The following ATP4B variants were observed in gnomAD, a reference collection of about 807,000 sequenced individuals.
ATP4B encodes potassium-transporting ATPase subunit beta.
A neutral mutation model predicts 35.3 loss-of-function variants in ATP4B; 27 were observed. The ratio of observed to expected loss-of-function variants is 0.76; its 90% CI spans 0.56 to 1.05. ATP4B has a LOEUF of 1.05. Ranked by LOEUF, ATP4B falls within the 50% of genes least tolerant of loss-of-function variation. The probability of loss-of-function intolerance (pLI) is 0.00; values close to 1 mark genes in which losing one functional copy is unlikely to be tolerated. For synonymous variants in ATP4B, 162 were observed against 156.0 expected (o/e 1.04, Z -0.29); for missense variants, 375 against 384.8 (o/e 0.97, Z 0.21).
At chr13:113,654,291 A>G (rs866813602) in intron 2 of ATP4B, among the ~76,000 whole-genome samples, 1 of 152,230 alleles carries the variant, frequency 6.6e-6, no homozygotes. Flanking sequence ...CTTGCTCTGC[A>G]CACCGATGGG....
Position 113,650,589 on chromosome 13 carries a change from G to A in ATP4B, c.613-82C>T. 9.6e-7 allele frequency: 1 copy of A among 1,044,520 alleles called. No individual in the cohort carries two copies. Among genetic ancestry groups the A allele is most frequent in the Non-Finnish European group, 1.4e-6 (1 of 705,530 alleles). 64.7% of individuals were successfully genotyped at this position (1,044,520 alleles called of 1,614,324 possible). ...GTGTGTTGCGTTTGTGTGCGTGTGT[G>A]CACACACGCGCTGTGTAGGTGCTTG... On this transcript the variant is annotated intron_variant, in intron 5 of 6. Transcript: ENST00000335288. The surrounding 1 kb of genome is among the most constrained non-coding windows in gnomAD (Gnocchi z 5.0).
chr13:113,652,127 T>C (rs910349424), intron 4 of ATP4B, among the ~76,000 whole-genome samples: 3 of 152,192 alleles, frequency 2.0e-5, no homozygotes, highest in Non-Finnish European at 4.4e-5. Context: ...ACCCGGGCCT[T>C]CAGCCCCCTT....
At chr13:113,653,656 C>A (rs2049731057) in intron 2 of ATP4B, among the ~76,000 whole-genome samples, 1 of 152,170 alleles carries the variant, frequency 6.6e-6, no homozygotes, top group African/African-American at 2.4e-5. Flanking sequence ...ACCTGGCTGG[C>A]TGCCATGGTG....
chr13:113,653,952 A>G (rs1315418151), intron 2 of ATP4B, among the ~76,000 whole-genome samples: 3 of 152,250 alleles, frequency 2.0e-5, no homozygotes. Flanking sequence ...CTGTGGAAAC[A>G]CAGATGCAGA....
At chr13:113,653,873 G>A (rs2049733399) in intron 2 of ATP4B, among the ~76,000 whole-genome samples, 1 of 152,270 alleles carries the variant, frequency 6.6e-6, no homozygotes, top group Non-Finnish European at 1.5e-5. Context: ...AGCGGGGAGT[G>A]AAACGCAGAG....
rs761138123 is a variant in ATP4B at position 113,654,913 on chromosome 13, A to G, written c.142T>C (p.Tyr48His). The G allele has an allele frequency of 3.7e-6, 6 of 1,614,126 alleles. No individual in the cohort carries two copies. The South Asian group carries it at 5.5e-5, about 15-fold the overall frequency. Reference sequence around the variant, plus strand: ...GCGAAGAGCCCAGTCATCACCACGTAGAAGGCCACGTAGTACAGGCTGATC... The same window carrying G: ...GCGAAGAGCCCAGTCATCACCACGTGGAAGGCCACGTAGTACAGGCTGATC... ...VWISLYYVAFYVVMTGLFALC... is the reference protein window; with the variant it reads ...VWISLYYVAFHVVMTGLFALC... Residue 48 changes from tyrosine (Y) to histidine (H), a missense_variant, in exon 2 of 7, where the codon TAC (tyrosine) becomes CAC (histidine). Transcript: ENST00000335288.
intron 1 of ATP4B, among the ~76,000 whole-genome samples, chr13:113,656,631 C>T (rs755666015): frequency 2.0e-5 from 3 of 152,214 alleles, no homozygotes; most frequent in Non-Finnish European, 4.4e-5. Context: ...CACTCTGCCT[C>T]TCCTGCACCT....
At chr13:113,657,030 C>G (rs1408287872) in intron 1 of ATP4B, among the ~76,000 whole-genome samples, 1 of 152,248 alleles carries the variant, frequency 6.6e-6, no homozygotes, top group East Asian at 1.9e-4. Flanking sequence ...GCCCATGACT[C>G]CAGCTGGCTC....
chr13:113,653,085 G>C lies in ATP4B; in HGVS notation c.356-13C>G, dbSNP rs201416868. The C allele has an allele frequency of 3.7e-6, 6 of 1,601,564 alleles. No individual in the cohort carries two copies. The highest frequency in any genetic ancestry group is 3.3e-5 in the South Asian group (3 of 90,036). ...GCTGGAGAGTAGCCTGCAGACGGAC[G>C]CACCTGCCAGCCCTGTCCTGCCCTG... On this transcript the variant is annotated splice_polypyrimidine_tract_variant and intron_variant, in intron 3 of 6. Transcript: ENST00000335288.
chr13:113,651,927 G>C lies in ATP4B; in HGVS notation c.556-200C>G, dbSNP rs995101093. ...CACTAACTCATCATTCAGAGCCACA[G>C]CCCTCCCCCCACCCACCCATCAGCA... On this transcript the variant is annotated intron_variant, in intron 4 of 6. Transcript: ENST00000335288. Among the ~76,000 whole-genome samples the C allele has an allele frequency of 3.9e-5, 6 of 152,232 alleles. No homozygotes were observed. The East Asian group carries it at 1.2e-3, about 29-fold the overall frequency.
chr13:113,657,437 T>C (rs1369920846), intron 1 of ATP4B, among the ~76,000 whole-genome samples: 2 of 152,226 alleles, frequency 1.3e-5, no homozygotes, highest in African/African-American at 2.4e-5. Context: ...CTGTGTGGCC[T>C]TGGAGGCCCA....
rs1308871668 is a variant in ATP4B, at chr13:113,649,418, G to A, written c.832C>T (p.Pro278Ser). The change falls in exon 7 of 7, where the codon CCG (proline) becomes TCG (serine). Residue 278 changes from proline (P) to serine (S), a missense_variant. Pro to Ser is a moderately conservative substitution (Grantham distance 74). Coordinates refer to ENST00000335288, the MANE Select transcript of ATP4B (RefSeq NM_000705.4). The surrounding 1 kb of genome is among the most constrained non-coding windows in gnomAD (Gnocchi z 4.7). ...TTGAACTCCACTTTCCCTTCATACG[G>A]GTCGTGGGGATTGTTGAAGGTCACG... ...EHVTFNNPHD[P>S]YEGKVEFKLK... is the part of the protein sequence containing the mutation. The A allele has an allele frequency of 1.3e-6, 2 of 1,589,646 alleles. No homozygotes were observed. Among genetic ancestry groups the A allele is most frequent in the African/African-American group, 2.7e-5 (2 of 74,626 alleles).
Position 113,652,958 on chromosome 13 carries a change from T to A in ATP4B, c.470A>T (p.Asp157Val). The change falls in exon 4 of 7, where the codon GAT becomes GTT. Residue 157 changes from aspartate (D) to valine (V), a missense_variant. Asp to Val is a radical substitution (Grantham distance 152, BLOSUM62 -3). Coordinates refer to ENST00000335288, the MANE Select transcript of ATP4B (RefSeq NM_000705.4). Reference sequence around the variant, plus strand: ...CAGGCCTGAGCAGTTCTGCAGCATATCTGCCGTGAACTTGCAGGAGAACTT... The same window carrying A: ...CAGGCCTGAGCAGTTCTGCAGCATAACTGCCGTGAACTTGCAGGAGAACTT... ...HTKFSCKFTA[D>V]MLQNCSGLAD... The A allele has an allele frequency of 6.2e-7, 1 of 1,614,188 alleles. No homozygotes were observed. The highest frequency in any genetic ancestry group is 8.5e-7 in the Non-Finnish European group (1 of 1,180,028).
chr13:113,656,578 G>C (rs938874802), intron 1 of ATP4B, among the ~76,000 whole-genome samples: 2 of 152,206 alleles, frequency 1.3e-5, no homozygotes, highest in African/African-American at 4.8e-5. Flanking sequence ...AGGTGACTGA[G>C]AGTCCCATTC....
intron 2 of ATP4B, among the ~76,000 whole-genome samples, chr13:113,654,453 C>T (rs564301670): frequency 6.6e-5 from 10 of 152,192 alleles, no homozygotes; most frequent in Non-Finnish European, 8.8e-5. Flanking sequence ...AGAAACATTC[C>T]GTGTGCATAT....
At position 113,650,528 on chromosome 13, in the gene ATP4B, C is replaced by A; in HGVS notation, c.613-21G>T. 1 of 1,598,804 alleles carries A rather than the reference C, an allele frequency of 6.3e-7. No individual in the cohort carries two copies. The highest frequency in any genetic ancestry group is 8.5e-7 in the Non-Finnish European group (1 of 1,171,116). On this transcript the variant is annotated intron_variant, in intron 5 of 6. Transcript: ENST00000335288. The surrounding 1 kb of genome is among the most constrained non-coding windows in gnomAD (Gnocchi z 5.0). ...TGGTCCTGGGGAGGAGAGGCCACTG[C>A]CTGAGTCAGGCGGGAGCTGGTGTGT...
rs1310723763 is a variant in ATP4B at position 113,650,667 on chromosome 13, A to G, written c.613-160T>C. ...TAAATCAGATGCAATCTTTCTAATCAGTGCTGAGATCTCAGCAAGGATATG... is the reference window on the plus strand; with the variant it reads ...TAAATCAGATGCAATCTTTCTAATCGGTGCTGAGATCTCAGCAAGGATATG... On this transcript the variant is annotated intron_variant, in intron 5 of 6. Transcript: ENST00000335288. The surrounding 1 kb of genome is among the most constrained non-coding windows in gnomAD (Gnocchi z 5.0). 6.6e-6 allele frequency among the ~76,000 whole-genome samples: 1 copy of G among 152,144 alleles called. No individual in the cohort carries two copies. The highest frequency in any genetic ancestry group is 1.5e-5 in the Non-Finnish European group (1 of 68,020).
Position 113,655,581 on chromosome 13 carries a change from C to T in ATP4B, c.113-639G>A, listed in dbSNP as rs576318101. On this transcript the variant is annotated intron_variant, in intron 1 of 6. Coordinates refer to ENST00000335288, the MANE Select transcript of ATP4B (RefSeq NM_000705.4). ...AGAACCTAACGGAAGCCACCGTCCCCGTGGCCATGGGCGGCTCCTGGACAC... is the reference window on the plus strand; with the variant it reads ...AGAACCTAACGGAAGCCACCGTCCCTGTGGCCATGGGCGGCTCCTGGACAC... Among the ~76,000 whole-genome samples, 15 of 152,342 alleles carry T rather than the reference C, an allele frequency of 9.8e-5. No individual in the cohort carries two copies. The South Asian group carries it at 2.7e-3, about 27-fold the overall frequency.
At chr13:113,655,047 C>T in intron 1 of ATP4B, 105 bp from the exon 2 acceptor site, 1 of 1,457,968 alleles carries the variant, frequency 6.9e-7, no homozygotes. Flanking sequence ...TCTTCCCTAC[C>T]TAGTTCCAGA....
Sources: allele counts gnomAD v4.1 joint callset (sites outside exome capture counted in the v4.1 genomes callset), GRCh38; gene constraint gnomAD v4.1.1; non-coding constraint Gnocchi (gnomAD v3.1); transcripts MANE v1.5; gene names NCBI Gene and HGNC (gene_info 2026-07-23, HGNC 2026-07-21).